ORC2: variants seen among roughly 807,000 people sequenced by gnomAD.
The protein encoded by ORC2 is origin recognition complex subunit 2.
In ORC2, 37 loss-of-function variants were observed where a neutral mutation model predicts 77.7. The ratio of observed to expected loss-of-function variants is 0.48; its 90% CI spans 0.37 to 0.63. ORC2 has a LOEUF of 0.63. Among genes scored for constraint, ORC2 ranks in the 20% least tolerant of loss-of-function variants. ORC2 has a pLI of 0.00. For synonymous variants in ORC2, 201 were observed against 229.5 expected (o/e 0.88, Z 1.12); for missense variants, 557 against 661.9 (o/e 0.84, Z 1.74).
chr2:200,958,126 T>C lies in ORC2; in HGVS notation c.-3A>G, dbSNP rs371425675. 361 of 1,604,230 alleles carry C rather than the reference T, an allele frequency of 2.3e-4. No homozygotes were observed. The highest frequency in any genetic ancestry group is 2.9e-4 in the Non-Finnish European group (339 of 1,171,812). On this transcript the variant is annotated 5_prime_UTR_variant, in exon 3 of 18. Transcript: ENST00000234296. ...TCCTTTAATTCTGGTTTACTCATTG[T>C]TGCCAACCTAAACAAAAACAGTAAG...
chr2:200,922,597 G>C lies in ORC2; in HGVS notation c.1148-1458C>G, dbSNP rs183547340. Among the ~76,000 whole-genome samples the C allele has an allele frequency of 7.2e-3, 1,085 of 150,926 alleles. 16 individuals carry two copies. The highest frequency in any genetic ancestry group is 0.025 in the African/African-American group (1,030 of 41,024). On this transcript the variant is annotated intron_variant, in intron 13 of 17. Transcript: ENST00000234296. ...GAGTGAGTTAATTTCTCTTCTACTC[G>C]GGGGTAGATGGGTAAGAGAGACAAT...
At chr2:200,914,404 G>C (rs867224787) in intron 15 of ORC2, among the ~76,000 whole-genome samples, 1 of 152,098 alleles carries the variant, frequency 6.6e-6, no homozygotes, top group Admixed American at 6.6e-5. Context: ...CTGATCTCGT[G>C]ATCCGCCCGC....
At chr2:200,942,555 C>A in intron 6 of ORC2, 130 bp downstream of exon 6, 1 of 509,790 alleles carries the variant, frequency 2.0e-6, no homozygotes, top group Non-Finnish European at 3.4e-6. Flanking sequence ...ATATTAATTG[C>A]ATTTTGTTGA....
At chr2:200,930,617 C>T (rs577714138) in intron 11 of ORC2, among the ~76,000 whole-genome samples, 31 of 151,840 alleles carry the variant, frequency 2.0e-4, no homozygotes, top group African/African-American at 7.5e-4. Flanking sequence ...AGTGCCTGGT[C>T]CATGGCTCTA....
intron 4 of ORC2, among the ~76,000 whole-genome samples, chr2:200,951,274 G>A (rs1480024161): frequency 6.8e-6 from 1 of 146,392 alleles, no homozygotes; most frequent in East Asian, 1.9e-4. Context: ...TCTACTGAAC[G>A]ACCTCTTTGT....
chr2:200,925,691 A>C, intron 13 of ORC2, 145 bp downstream of exon 13: 1 of 299,200 alleles, frequency 3.3e-6, no homozygotes, highest in Non-Finnish European at 6.4e-6. Flanking sequence ...GTGAGCCATG[A>C]TCGCACCACT....
Position 200,943,548 on chromosome 2 carries a change from T to G in ORC2, c.329-771A>C, listed in dbSNP as rs374860834. ...ACCTTTTCCAAGTTAACTCTCACAC[T>G]GGGACACTGTTCACTGAGAAAAAGG... On this transcript the variant is annotated intron_variant, in intron 5 of 17. Transcript: ENST00000234296. Among the ~76,000 whole-genome samples, 5 of 152,206 alleles carry G rather than the reference T, an allele frequency of 3.3e-5. No homozygotes were observed. In the East Asian group the frequency reaches 5.8e-4, roughly 18 times the overall value.
intron 14 of ORC2, among the ~76,000 whole-genome samples, 191 bp from the exon 15 acceptor site, chr2:200,920,584 A>C (rs958822836): frequency 6.6e-6 from 1 of 152,184 alleles, no homozygotes; most frequent in Non-Finnish European, 1.5e-5. Flanking sequence ...CTGAACCTTT[A>C]TTTTCAATTA....
intron 6 of ORC2, among the ~76,000 whole-genome samples, chr2:200,941,949 T>G (rs1559017641): frequency 2.0e-5 from 3 of 150,832 alleles, no homozygotes; most frequent in Non-Finnish European, 4.4e-5. Flanking sequence ...ATCACACCAC[T>G]GCACTCCAGC....
intron 14 of ORC2, 50 bp from the exon 15 acceptor site, chr2:200,920,443 C>A: frequency 1.5e-6 from 2 of 1,363,100 alleles, no homozygotes; most frequent in South Asian, 3.7e-5. Flanking sequence ...TTTATATTGT[C>A]ATGTTACTAG....
Position 200,911,108 on chromosome 2 carries a change from G to A in ORC2, c.*193C>T, listed in dbSNP as rs549202533. On this transcript the variant is annotated 3_prime_UTR_variant, in exon 18 of 18. Transcript: ENST00000234296. The stretch of plus-strand genomic sequence containing the variant: ...GCACATTTTCTCCAACTTGAGGACC[G>A]CTGCATAGTACTAGACGGTACCAGC... 5 of 470,196 alleles carry A rather than the reference G, an allele frequency of 1.1e-5. No homozygotes were observed. The highest frequency in any genetic ancestry group is 3.9e-5 in the African/African-American group (2 of 51,686). The allele number at this position is 470,196 out of a possible 1,614,324, so 29.1% of individuals were successfully genotyped here.
intron 15 of ORC2, among the ~76,000 whole-genome samples, chr2:200,916,697 T>TTTTTA (rs962633469): frequency 7.9e-5 from 12 of 152,214 alleles, no homozygotes; most frequent in Admixed American, 2.6e-4. Flanking sequence ...TATTTCAATT[T>TTTTTA]TTTTATTTTA....
chr2:200,939,368 G>A (rs1271556116), intron 7 of ORC2, among the ~76,000 whole-genome samples: 1 of 152,084 alleles, frequency 6.6e-6, no homozygotes, highest in Non-Finnish European at 1.5e-5. Context: ...GAAAATTCCT[G>A]CTCAAAAAGA....
At chr2:200,924,668 C>T (rs1277914678) in intron 13 of ORC2, among the ~76,000 whole-genome samples, 1 of 151,980 alleles carries the variant, frequency 6.6e-6, no homozygotes. Context: ...CTCACATAAC[C>T]AAAACATTCA....
chr2:200,923,648 C>A (rs2040794539), intron 13 of ORC2, among the ~76,000 whole-genome samples: 1 of 152,260 alleles, frequency 6.6e-6, no homozygotes, highest in East Asian at 1.9e-4. Flanking sequence ...TTTATATACA[C>A]AGGTATTTTT....
Position 200,957,680 on chromosome 2 carries a change from G to A in ORC2, c.95-136C>T, listed in dbSNP as rs952473234. Reference sequence around the variant, plus strand: ...AAAAGCTTTCTCTTTGATTAAAACTGACCACTCTGACCACTCTTCCACAGT... The same window carrying A: ...AAAAGCTTTCTCTTTGATTAAAACTAACCACTCTGACCACTCTTCCACAGT... On this transcript the variant is annotated intron_variant, in intron 3 of 17. Coordinates refer to ENST00000234296, the MANE Select transcript of ORC2 (RefSeq NM_006190.5). 7 of 510,370 alleles carry A rather than the reference G, an allele frequency of 1.4e-5. No homozygotes were observed. The East Asian group carries it at 2.3e-4, about 17-fold the overall frequency. 31.6% of individuals were successfully genotyped at this position (510,370 alleles called of 1,614,324 possible). A position where few individuals can be genotyped will look rare whatever the true frequency, so the allele number is the denominator to read the frequency against.
intron 5 of ORC2, among the ~76,000 whole-genome samples, chr2:200,945,322 G>A (rs2041231588): frequency 6.6e-6 from 1 of 152,122 alleles, no homozygotes; most frequent in South Asian, 2.1e-4. Flanking sequence ...TTGGGAGACC[G>A]AGGTGGGTGG....
chr2:200,959,467 G>C (rs938978677), intron 1 of ORC2, 27 bp from the exon 2 acceptor site: 5 of 152,188 alleles, frequency 3.3e-5, no homozygotes, highest in African/African-American at 1.2e-4. Flanking sequence ...AACTCAGTCA[G>C]GGTCAGCTAG....
intron 15 of ORC2, among the ~76,000 whole-genome samples, chr2:200,915,925 C>T (rs1247165213): frequency 6.6e-6 from 1 of 151,996 alleles, no homozygotes; most frequent in Non-Finnish European, 1.5e-5. Context: ...GAACTCCTGG[C>T]GTCAAGTGAT....
Sources: gnomAD v4.1 joint callset for allele counts (sites outside exome capture counted in the v4.1 genomes callset) on GRCh38, gnomAD v4.1.1 for gene constraint, MANE v1.5 for transcripts, NCBI Gene and HGNC (gene_info 2026-07-23, HGNC 2026-07-21) for gene names.